Variants in IL6ST observed in about 807,000 individuals in gnomAD.
The protein encoded by IL6ST is interleukin-6 receptor subunit beta.
A neutral mutation model predicts 91.3 loss-of-function variants in IL6ST; 24 were observed. The observed-to-expected ratio is 0.26, with a 90% CI of 0.19 to 0.37. The LOEUF is 0.37. IL6ST is among the 10% of genes least tolerant of loss of function. The probability of loss-of-function intolerance (pLI) is 1.00; values close to 1 mark genes in which losing one functional copy is unlikely to be tolerated. For synonymous variants in IL6ST, 351 were observed against 373.6 expected (o/e 0.94, Z 0.70); for missense variants, 914 against 1,078.5 (o/e 0.85, Z 2.14).
intron 1 of IL6ST, among the ~76,000 whole-genome samples, chr5:55,985,153 T>C (rs904476853): frequency 3.3e-5 from 5 of 152,152 alleles, no homozygotes; most frequent in African/African-American, 1.2e-4. Flanking sequence ...GAATAGGAGG[T>C]TTAATTTTAA....
Position 55,936,527 on chromosome 5 carries a change from G to T in IL6ST, c.*4555C>A, listed in dbSNP as rs1231912602. ...CACATTCCATTATGTCATTTAAAAT[G>T]TCACAAAACCCACACGAAGCATCTC... On this transcript the variant is annotated 3_prime_UTR_variant, in exon 17 of 17. Coordinates refer to ENST00000381298, the MANE Select transcript of IL6ST (RefSeq NM_002184.4). The T allele has an allele frequency of 2.9e-5, 6 of 209,902 alleles. No homozygotes were observed. Among genetic ancestry groups the T allele is most frequent in the Non-Finnish European group, 5.8e-5 (6 of 103,650 alleles). 13.0% of individuals were successfully genotyped at this position (209,902 alleles called of 1,614,324 possible). A position where few individuals can be genotyped will look rare whatever the true frequency, so the allele number is the denominator to read the frequency against.
At position 55,938,778 on chromosome 5, in the gene IL6ST, A is replaced by G. The variant is rs896423398; in HGVS notation, c.*2304T>C. 1.5e-5 allele frequency: 3 copies of G among 202,200 alleles called. No individual in the cohort carries two copies. The highest frequency in any genetic ancestry group is 6.9e-5 in the African/African-American group (3 of 43,604). The allele number at this position is 202,200 out of a possible 1,614,324, so 12.5% of individuals were successfully genotyped here. On this transcript the variant is annotated 3_prime_UTR_variant, in exon 17 of 17. Transcript: ENST00000381298. ...AAGTTTTATAATTTATTTTCTCCTT[A>G]GGGCAGGTGTACATTACATATTAGT...
chr5:55,965,697 A>T (rs2111783611), intron 5 of IL6ST, among the ~76,000 whole-genome samples: 1 of 152,074 alleles, frequency 6.6e-6, no homozygotes, highest in Admixed American at 6.6e-5. Flanking sequence ...AGTTGTGTCA[A>T]GACGATGAAT....
At chr5:55,976,447 T>C in intron 2 of IL6ST, 154 bp from the exon 3 acceptor site, 1 of 423,770 alleles carries the variant, frequency 2.4e-6, no homozygotes, top group Non-Finnish European at 4.3e-6. Context: ...ACATTATTTT[T>C]CTTTATTCCC....
At chr5:55,980,890 A>G (rs550461603) in intron 2 of IL6ST, among the ~76,000 whole-genome samples, 39 of 152,256 alleles carry the variant, frequency 2.6e-4, no homozygotes, top group Middle Eastern at 3.4e-3. Context: ...ATGCCCAGCT[A>G]ATTTTTTAAA....
intron 14 of IL6ST, 116 bp downstream of exon 14, chr5:55,951,348 T>C (rs1445530085): frequency 2.5e-6 from 2 of 810,696 alleles, no homozygotes; most frequent in South Asian, 1.8e-5. Context: ...CCAGATAATA[T>C]AAAAATCATC....
chr5:55,941,407 C>G lies in IL6ST; in HGVS notation c.2432G>C (p.Arg811Thr), dbSNP rs1160375980. 2 of 1,614,090 alleles carry G rather than the reference C, an allele frequency of 1.2e-6. No individual in the cohort carries two copies. Among genetic ancestry groups the G allele is most frequent in the Middle Eastern group, 3.3e-4 (2 of 6,056 alleles). Reference protein sequence around the residue: ...HVDGGDGILPRQQYFKQNCSQ... With the variant: ...HVDGGDGILPTQQYFKQNCSQ... ...GCAGTTCTGTTTGAAGTACTGTTGC[C>G]TGGGCAAAATACCATCACCGCCATC... Residue 811 changes from arginine to threonine, a missense_variant, in exon 17 of 17, where the codon AGG (arginine) becomes ACG (threonine). Physicochemically the swap from Arg to Thr is moderately conservative, Grantham distance 71 (BLOSUM62 -1). Coordinates refer to ENST00000381298, the MANE Select transcript of IL6ST (RefSeq NM_002184.4).
At chr5:55,983,608 C>T (rs1028635802) in intron 1 of IL6ST, among the ~76,000 whole-genome samples, 1 of 152,126 alleles carries the variant, frequency 6.6e-6, no homozygotes, top group Non-Finnish European at 1.5e-5. Context: ...GTTTCATACA[C>T]ATTAAGCCTT....
chr5:55,964,853 A>G (rs1561181675), intron 5 of IL6ST, among the ~76,000 whole-genome samples: 1 of 152,272 alleles, frequency 6.6e-6, no homozygotes, highest in Admixed American at 6.5e-5. Flanking sequence ...TATATAAATT[A>G]TGCCTCAATT....
chr5:55,946,481 T>TGGATCCATATCTAAGTATGGATA (rs2111628206), intron 15 of IL6ST, among the ~76,000 whole-genome samples: 2 of 152,292 alleles, frequency 1.3e-5, no homozygotes, highest in South Asian at 4.2e-4. Context: ...CAGTCTAAGT[T>TGGATCCATATCTAAGTATGGATA]TTGATATATC....
Position 55,940,001 on chromosome 5 carries a change from T to C in IL6ST, c.*1081A>G, listed in dbSNP as rs1469852082. 1.5e-5 allele frequency: 3 copies of C among 200,788 alleles called. No homozygotes were observed. Among genetic ancestry groups the C allele is most frequent in the African/African-American group, 7.0e-5 (3 of 42,650 alleles). 12.4% of individuals were successfully genotyped at this position (200,788 alleles called of 1,614,324 possible). On this transcript the variant is annotated 3_prime_UTR_variant, in exon 17 of 17. Transcript: ENST00000381298. ...CAAACATTTACTAAAAATAAAAAAA[T>C]TTAAATCTTTGCCTACTTATTTAAA...
chr5:55,960,544 T>C lies in IL6ST; in HGVS notation c.831A>G (p.Thr277=), dbSNP rs1360382469. ...CAGTGAATGAAGATCGGGTGGATGCTGTGTCTTCAGGAGGAATCTGAAACA... is the reference window on the plus strand; with the variant it reads ...CAGTGAATGAAGATCGGGTGGATGCCGTGTCTTCAGGAGGAATCTGAAACA... The part of the protein sequence containing the change: ...STWSQIPPED[T]ASTRSSFTVQ... The change falls in exon 8 of 17, where the codon ACA becomes ACG. Residue 277 remains threonine (T), a synonymous_variant. Transcript: ENST00000381298. The C allele has an allele frequency of 6.2e-7, 1 of 1,613,184 alleles. No homozygotes were observed. The highest frequency in any genetic ancestry group is 8.5e-7 in the Non-Finnish European group (1 of 1,179,690).
intron 3 of IL6ST, among the ~76,000 whole-genome samples, chr5:55,975,240 A>C (rs1249105705): frequency 6.6e-6 from 1 of 152,070 alleles, no homozygotes; most frequent in African/African-American, 2.4e-5. Flanking sequence ...TGGATTTCTC[A>C]CTTGGTACTG....
rs539057961 is a variant in IL6ST, at chr5:55,964,105, T to C, written c.658+41A>G. The C allele has an allele frequency of 2.8e-6, 3 of 1,067,610 alleles. No homozygotes were observed. The South Asian group carries it at 5.8e-5, about 21-fold the overall frequency. 66.1% of individuals were successfully genotyped at this position (1,067,610 alleles called of 1,614,324 possible). On this transcript the variant is annotated intron_variant, in intron 6 of 16. Transcript: ENST00000381298. ...AAAACTACTTTAATTTGTAAACGAC[T>C]ACAGTGTCAAATAAACTCTCAAATT...
At chr5:55,959,583 A>T in intron 8 of IL6ST, 1 of 1,002,820 alleles carries the variant, frequency 1.0e-6, no homozygotes, top group Non-Finnish European at 1.4e-6. Flanking sequence ...ATTCTATATC[A>T]TATATATTAT....
chr5:55,994,654 A>C (rs1446054496), intron 1 of IL6ST, 130 bp downstream of exon 1: 1 of 152,496 alleles, frequency 6.6e-6, no homozygotes, highest in Admixed American at 6.5e-5. Flanking sequence ...GGGGATTTCC[A>C]GGCTGGGCTG....
chr5:55,986,363 A>G lies in IL6ST; in HGVS notation c.-103-3552T>C, dbSNP rs1318767007. On this transcript the variant is annotated intron_variant, in intron 1 of 16. Coordinates refer to ENST00000381298, the MANE Select transcript of IL6ST (RefSeq NM_002184.4). ...CTTTACCACTGGTAACATTCTCTGA[A>G]ATCTACTTTGATATTACTATAGCCA... 3.9e-5 allele frequency among the ~76,000 whole-genome samples: 6 copies of G among 152,148 alleles called. No individual in the cohort carries two copies. In the East Asian group the frequency reaches 1.2e-3, roughly 29 times the overall value.
In IL6ST at chr5:55,938,687, C is replaced by A. The variant is rs1373158038; in HGVS notation, c.*2395G>T. The stretch of plus-strand genomic sequence containing the variant: ...CAGATTTCTTTGCCTACCTAAAGTA[C>A]AATTTACATGCATCAACACATAGAT... On this transcript the variant is annotated 3_prime_UTR_variant, in exon 17 of 17. Transcript: ENST00000381298. The A allele has an allele frequency of 5.1e-6, 1 of 197,960 alleles. No homozygotes were observed. Among genetic ancestry groups the A allele is most frequent in the Admixed American group, 6.1e-5 (1 of 16,516 alleles). 12.3% of individuals were successfully genotyped at this position (197,960 alleles called of 1,614,324 possible). A position where few individuals can be genotyped will look rare whatever the true frequency, so the allele number is the denominator to read the frequency against.
rs768985381 is a variant in IL6ST at position 55,956,198 on chromosome 5, T to C, written c.1094A>G (p.Asp365Gly). The change falls in exon 10 of 17, where the codon GAT becomes GGT. Residue 365 changes from aspartate to glycine, a missense_variant. By Grantham distance (94) the Asp-to-Gly change is moderately conservative (BLOSUM62 -1). Transcript: ENST00000381298. ...PPFEANGKIL[D>G]YEVTLTRWKS... ...CCATCTTGTGAGAGTCACTTCATAA[T>C]CCAAGATTTTTCCATTGGCTTCAAA... 68 of 1,610,840 alleles carry C rather than the reference T, an allele frequency of 4.2e-5. No homozygotes were observed. Among genetic ancestry groups the C allele is most frequent in the South Asian group, 4.1e-4 (37 of 90,952 alleles).
Sources: gnomAD v4.1 joint callset for allele counts (sites outside exome capture counted in the v4.1 genomes callset) on GRCh38, gnomAD v4.1.1 for gene constraint, MANE v1.5 for transcripts, NCBI Gene and HGNC (gene_info 2026-07-23, HGNC 2026-07-21) for gene names.